Variants in PBX3 observed in about 807,000 individuals in gnomAD.
PBX3 encodes PBX homeobox 3.
In PBX3, 14 loss-of-function variants were observed where a neutral mutation model predicts 48.5. The observed-to-expected ratio is 0.29, with a 90% CI of 0.19 to 0.45. The LOEUF (loss-of-function observed/expected upper bound fraction) is 0.45, where lower values mean the gene tolerates loss of function less well. Among genes scored for constraint, PBX3 ranks in the 20% least tolerant of loss-of-function variants. PBX3 has a pLI of 1.00. For synonymous variants in PBX3, 210 were observed against 200.3 expected (o/e 1.05, Z -0.41); for missense variants, 386 against 546.7 (o/e 0.71, Z 2.93).
At chr9:125,801,760 C>G (rs2132095671) in intron 2 of PBX3, among the ~76,000 whole-genome samples, 1 of 148,018 alleles carries the variant, frequency 6.8e-6, no homozygotes, top group African/African-American at 2.5e-5. Context: ...GTTTTTTCCT[C>G]TTAAATGTTT....
chr9:125,863,890 C>T (rs930367494), intron 2 of PBX3, among the ~76,000 whole-genome samples: 2 of 151,958 alleles, frequency 1.3e-5, no homozygotes, highest in South Asian at 2.1e-4. Flanking sequence ...CCTTTTAGTT[C>T]CAAAGTGGGT....
intron 7 of PBX3, 95 bp downstream of exon 7, chr9:125,962,309 T>C: frequency 1.5e-6 from 1 of 657,194 alleles, no homozygotes; most frequent in Non-Finnish European, 2.7e-6. Flanking sequence ...TACACATCCA[T>C]GCAGAACCTG....
intron 4 of PBX3, among the ~76,000 whole-genome samples, chr9:125,933,755 T>A (rs941622450): frequency 6.6e-6 from 1 of 152,146 alleles, no homozygotes; most frequent in Non-Finnish European, 1.5e-5. Flanking sequence ...TATCCCAATT[T>A]TTCATAAGAA....
intron 2 of PBX3, among the ~76,000 whole-genome samples, chr9:125,912,328 T>A (rs1841222825): frequency 6.6e-6 from 1 of 152,144 alleles, no homozygotes; most frequent in Admixed American, 6.6e-5. Flanking sequence ...ACTTTTCACA[T>A]CTGCAGCTTA....
intron 2 of PBX3, among the ~76,000 whole-genome samples, chr9:125,834,115 T>G (rs1839047665): frequency 6.6e-6 from 1 of 152,168 alleles, no homozygotes; most frequent in Non-Finnish European, 1.5e-5. Flanking sequence ...GACCATACAA[T>G]TAAGTGCAGG....
At chr9:125,833,799 T>G (rs1336257475) in intron 2 of PBX3, among the ~76,000 whole-genome samples, 4 of 152,238 alleles carry the variant, frequency 2.6e-5, no homozygotes, top group African/African-American at 9.6e-5. Context: ...ATAATGCTGC[T>G]ATGAATATTT....
At chr9:125,961,585 T>C (rs1199899024) in intron 6 of PBX3, among the ~76,000 whole-genome samples, 1 of 152,182 alleles carries the variant, frequency 6.6e-6, no homozygotes, top group Non-Finnish European at 1.5e-5. Context: ...GTTCAGAAAG[T>C]AGGGGGGTTT....
chr9:125,768,023 G>A (rs537021204), intron 2 of PBX3, among the ~76,000 whole-genome samples: 1 of 151,916 alleles, frequency 6.6e-6, no homozygotes, highest in African/African-American at 2.4e-5. Context: ...TAGAGACATG[G>A]GTTGTTGAAG....
chr9:125,938,034 G>C (rs905137674), intron 5 of PBX3, among the ~76,000 whole-genome samples: 1 of 152,116 alleles, frequency 6.6e-6, no homozygotes, highest in Non-Finnish European at 1.5e-5. Context: ...TTAGAATCTA[G>C]AAATTGTTCA....
At chr9:125,933,548 A>G (rs1031058948) in intron 4 of PBX3, among the ~76,000 whole-genome samples, 1 of 152,268 alleles carries the variant, frequency 6.6e-6, no homozygotes, top group African/African-American at 2.4e-5. Context: ...TGTGTCATCT[A>G]TTCCCATCTA....
chr9:125,867,730 GTCTT>G (rs922427360), intron 2 of PBX3, among the ~76,000 whole-genome samples: 11 of 149,192 alleles, frequency 7.4e-5, no homozygotes, highest in Admixed American at 3.3e-4. Context: ...AATGATGATT[GTCTT>G]TCTGTCTCTC....
chr9:125,873,880 A>G (rs7022520), intron 2 of PBX3, among the ~76,000 whole-genome samples: 8,345 of 152,258 alleles, frequency 0.055, 744 homozygotes, highest in African/African-American at 0.19. Context: ...AATGGAAAGC[A>G]TCAACAAAGC....
rs1171103837 is a variant in PBX3 at position 125,747,404 on chromosome 9, G to C, written c.-50G>C. 2.2e-6 allele frequency: 2 copies of C among 911,894 alleles called. No individual in the cohort carries two copies. Among genetic ancestry groups the C allele is most frequent in the African/African-American group, 4.1e-5 (2 of 48,950 alleles). The allele number at this position is 911,894 out of a possible 1,614,324, so 56.5% of individuals were successfully genotyped here. On this transcript the variant is annotated 5_prime_UTR_variant, in exon 1 of 9. Coordinates refer to ENST00000373489, the MANE Select transcript of PBX3 (RefSeq NM_006195.6). ...CCTCGTCGCCGCCGCCGCCGCCGCC[G>C]CCTCAGCCTTCGCCTCAGCCGCCGC...
At chr9:125,888,388 G>A (rs188987280) in intron 2 of PBX3, among the ~76,000 whole-genome samples, 36 of 152,246 alleles carry the variant, frequency 2.4e-4, no homozygotes, top group Admixed American at 5.9e-4. Flanking sequence ...ACAAATACGT[G>A]TAAGGTTATT....
At chr9:125,895,534 T>C (rs1840749823) in intron 2 of PBX3, among the ~76,000 whole-genome samples, 2 of 152,054 alleles carry the variant, frequency 1.3e-5, no homozygotes, top group South Asian at 4.1e-4. Flanking sequence ...CTTTTAGCGC[T>C]ACAACGAACT....
intron 3 of PBX3, among the ~76,000 whole-genome samples, chr9:125,924,403 A>T (rs758651055): frequency 4.4e-4 from 67 of 152,244 alleles, no homozygotes; most frequent in Non-Finnish European, 8.2e-4. Flanking sequence ...ATGTCATTGC[A>T]AAAGAGAAGA....
At chr9:125,781,579 GGAGAGGC>G (rs1447924303) in intron 2 of PBX3, among the ~76,000 whole-genome samples, 11 of 148,394 alleles carry the variant, frequency 7.4e-5, no homozygotes, top group Non-Finnish European at 1.5e-4. Flanking sequence ...AGGGGAGAGG[GGAGAGGC>G]GAGAGGCGAG....
chr9:125,945,013 A>G (rs1373877062), intron 5 of PBX3, among the ~76,000 whole-genome samples: 3 of 152,172 alleles, frequency 2.0e-5, no homozygotes, highest in Admixed American at 6.5e-5. Context: ...GCTTGAGGTC[A>G]GGAGTTCAAT....
chr9:125,765,039 A>G (rs1836766543), intron 2 of PBX3, among the ~76,000 whole-genome samples: 1 of 152,118 alleles, frequency 6.6e-6, no homozygotes, highest in Admixed American at 6.5e-5. Flanking sequence ...ACTTTGAATT[A>G]CCTTATTTAA....
Sources: allele counts gnomAD v4.1 joint callset (sites outside exome capture counted in the v4.1 genomes callset), GRCh38; gene constraint gnomAD v4.1.1; transcripts MANE v1.5; gene names NCBI Gene and HGNC (gene_info 2026-07-23, HGNC 2026-07-21).